WDTC1: variants seen among roughly 807,000 people sequenced by gnomAD.
The protein encoded by WDTC1 is WD and tetratricopeptide repeats 1, also known as WD and tetratricopeptide repeats protein 1.
A neutral mutation model predicts 76.0 loss-of-function variants in WDTC1; 12 were observed. The ratio of observed to expected loss-of-function variants is 0.16; its 90% CI spans 0.10 to 0.26. WDTC1 has a LOEUF of 0.26. Ranked by LOEUF, WDTC1 falls within the 10% of genes least tolerant of loss-of-function variation. The pLI is 1.00. For missense variants in WDTC1, 511 were observed against 908.8 expected, an observed-to-expected ratio of 0.56 and a Z score of 5.63; for synonymous variants, 326 against 350.8, an observed-to-expected ratio of 0.93 and a Z score of 0.79.
chr1:27,279,530 A>C (rs192001405), intron 3 of WDTC1, among the ~76,000 whole-genome samples: 118 of 152,160 alleles, frequency 7.8e-4, no homozygotes, highest in African/African-American at 2.8e-3. Flanking sequence ...TATAGTTCAC[A>C]TTGGGCTGTG....
intron 3 of WDTC1, among the ~76,000 whole-genome samples, chr1:27,265,866 G>A (rs1159657564): frequency 6.6e-6 from 1 of 152,072 alleles, no homozygotes; most frequent in Non-Finnish European, 1.5e-5. Flanking sequence ...AGAATCGCTT[G>A]AACCCCGGAG....
chr1:27,301,301 C>T lies in WDTC1; in HGVS notation c.1308C>T (p.His436=), dbSNP rs746664783. 6.2e-7 allele frequency: 1 copy of T among 1,614,236 alleles called. No individual in the cohort carries two copies. Among genetic ancestry groups the T allele is most frequent in the Admixed American group, 1.7e-5 (1 of 60,032 alleles). ...TAAACCCATGCCACCTGAAGGCACA[C>T]TTTCGCCTGGCCCGCTGCCTCTTTG... ...ISLNPCHLKA[H]FRLARCLFEL... is the part of the protein sequence containing the mutation. Residue 436 remains histidine (H), a synonymous_variant, in exon 13 of 16, where the codon CAC becomes CAT. Transcript: ENST00000319394. The surrounding 1 kb of genome is among the most constrained non-coding windows in gnomAD (Gnocchi z 5.8).
intron 3 of WDTC1, among the ~76,000 whole-genome samples, chr1:27,276,699 A>C (rs1258100124): frequency 2.0e-5 from 3 of 151,216 alleles, no homozygotes; most frequent in Admixed American, 6.6e-5. Context: ...TCTCGAAAAA[A>C]AAAAAGAAAA....
Position 27,249,626 on chromosome 1 carries a change from A to T in WDTC1, c.-99-11330A>T, listed in dbSNP as rs542939026. Among the ~76,000 whole-genome samples, 32 of 152,034 alleles carry T rather than the reference A, an allele frequency of 2.1e-4. 1 individual carries two copies. In the South Asian group the frequency reaches 6.7e-3, roughly 32 times the overall value. ...TTTGAGACTGAATCTCACTCTCACT[A>T]AGGCTGGAGTGGCATGATCATAGCT... On this transcript the variant is annotated intron_variant, in intron 1 of 15. Transcript: ENST00000319394.
rs546667020 is a variant in WDTC1 at position 27,275,923 on chromosome 1, A to G, written c.133-6316A>G. On this transcript the variant is annotated intron_variant, in intron 3 of 15. Transcript: ENST00000319394. ...CCTTCTCCCATACTGGCCCTACCCC[A>G]GAAACCACTAATCTATTTTCTGTTG... Among the ~76,000 whole-genome samples, 7 of 152,356 alleles carry G rather than the reference A, an allele frequency of 4.6e-5. No homozygotes were observed. The East Asian group carries it at 1.3e-3, about 29-fold the overall frequency.
Position 27,253,306 on chromosome 1 carries a change from C to T in WDTC1, c.-99-7650C>T, listed in dbSNP as rs143838191. Among the ~76,000 whole-genome samples, 598 of 150,798 alleles carry T rather than the reference C, an allele frequency of 4.0e-3. 7 individuals are homozygous for T. The highest frequency in any genetic ancestry group is 0.014 in the African/African-American group (560 of 40,502). ...CTGGGATTACAGGTGTGAGCCACTG[C>T]GCCCGGCCGGCCTCCTCTCTGTTTC... On this transcript the variant is annotated intron_variant, in intron 1 of 15. Transcript: ENST00000319394.
chr1:27,249,200 C>T (rs1028861093), intron 1 of WDTC1, among the ~76,000 whole-genome samples: 2 of 150,028 alleles, frequency 1.3e-5, no homozygotes, highest in Non-Finnish European at 2.9e-5. Flanking sequence ...ACCTGAGAGG[C>T]AGAGGCTGTA....
At chr1:27,248,534 T>A (rs1475460435) in intron 1 of WDTC1, among the ~76,000 whole-genome samples, 3 of 152,222 alleles carry the variant, frequency 2.0e-5, no homozygotes, top group African/African-American at 7.2e-5. Flanking sequence ...TCCTTATAGA[T>A]GCTGGATATT....
rs772028634 is a variant in WDTC1, at chr1:27,305,036, G to C, written c.1679G>C (p.Gly560Ala). Residue 560 changes from glycine to alanine, a missense_variant, in exon 15 of 16, where the codon GGC (glycine) becomes GCC (alanine). Coordinates refer to ENST00000319394, the MANE Select transcript of WDTC1 (RefSeq NM_001276252.2). The surrounding 1 kb of genome is among the most constrained non-coding windows in gnomAD (Gnocchi z 4.6). ...TATATCGTCAGTGGCTCTGACGATG[G>C]CTCCTTCTTCATCTGGGAAAAGGAG... ...AQYIVSGSDD[G>A]SFFIWEKETT... 4.3e-6 allele frequency: 7 copies of C among 1,613,848 alleles called. No homozygotes were observed. The highest frequency in any genetic ancestry group is 5.9e-6 in the Non-Finnish European group (7 of 1,179,936).
At chr1:27,263,559 G>A (rs1388648577) in intron 3 of WDTC1, among the ~76,000 whole-genome samples, 2 of 152,118 alleles carry the variant, frequency 1.3e-5, no homozygotes, top group Admixed American at 1.3e-4. Context: ...TCAGCCTCCC[G>A]AGTAGCTGGG....
chr1:27,244,156 A>T (rs1182210299), intron 1 of WDTC1, among the ~76,000 whole-genome samples: 2 of 151,938 alleles, frequency 1.3e-5, no homozygotes, highest in Admixed American at 6.6e-5. Context: ...AAAACAAATA[A>T]AAATTTTTTT....
At chr1:27,241,900 G>GTTT (rs549158445) in intron 1 of WDTC1, among the ~76,000 whole-genome samples, 114 of 139,628 alleles carry the variant, frequency 8.2e-4, no homozygotes, top group African/African-American at 2.9e-3. Flanking sequence ...GTTTTTTTTT[G>GTTT]TTTTTTTTTT....
intron 5 of WDTC1, among the ~76,000 whole-genome samples, chr1:27,287,146 GA>G (rs960926297): frequency 1.5e-4 from 22 of 151,076 alleles, no homozygotes; most frequent in African/African-American, 3.4e-4. Flanking sequence ...CTGGGTGACA[GA>G]GCGAGACGCT....
At chr1:27,254,589 T>G (rs2012210280) in intron 1 of WDTC1, among the ~76,000 whole-genome samples, 1 of 151,822 alleles carries the variant, frequency 6.6e-6, no homozygotes, top group South Asian at 2.1e-4. Context: ...AGTGAGACTC[T>G]GTCTCAAAAA....
chr1:27,281,153 G>A (rs1005394780), intron 3 of WDTC1, among the ~76,000 whole-genome samples: 1 of 152,004 alleles, frequency 6.6e-6, no homozygotes, highest in Non-Finnish European at 1.5e-5. Flanking sequence ...CATGCAGTAG[G>A]TGCTTGATGA....
At position 27,301,342 on chromosome 1, in the gene WDTC1, C is replaced by T; in HGVS notation, c.1349C>T (p.Ala450Val). Residue 450 changes from alanine (A) to valine (V), a missense_variant, in exon 13 of 16, where the codon GCT becomes GTT. Physicochemically the swap from Ala to Val is moderately conservative, Grantham distance 64. Coordinates refer to ENST00000319394, the MANE Select transcript of WDTC1 (RefSeq NM_001276252.2). This position sits in a 1 kb window ranked among gnomAD's most constrained non-coding sequence, Gnocchi z 5.8. Reference sequence around the variant, plus strand: ...TGCCTCTTTGAGCTCAAGTATGTGGCTGAAGCCCTGGAGTGCCTGGACGAC... The same window carrying T: ...TGCCTCTTTGAGCTCAAGTATGTGGTTGAAGCCCTGGAGTGCCTGGACGAC... ...ARCLFELKYV[A>V]EALECLDDFK... 6.2e-7 allele frequency: 1 copy of T among 1,614,198 alleles called. No individual in the cohort carries two copies. The highest frequency in any genetic ancestry group is 8.5e-7 in the Non-Finnish European group (1 of 1,180,038).
intron 12 of WDTC1, among the ~76,000 whole-genome samples, chr1:27,299,111 C>G (rs1023557598): frequency 6.6e-6 from 1 of 152,010 alleles, no homozygotes; most frequent in Non-Finnish European, 1.5e-5. Flanking sequence ...CTCAGTGGTC[C>G]TCATCCAGGC....
intron 5 of WDTC1, among the ~76,000 whole-genome samples, chr1:27,284,556 C>T (rs578219943): frequency 2.0e-5 from 3 of 152,228 alleles, no homozygotes; most frequent in African/African-American, 4.8e-5. Flanking sequence ...ATATGACTAA[C>T]GGAAACTGCT....
chr1:27,282,493 CTGTTTTGTTT>C (rs945330164), intron 4 of WDTC1, among the ~76,000 whole-genome samples: 9 of 152,026 alleles, frequency 5.9e-5, no homozygotes, highest in African/African-American at 7.2e-5. Flanking sequence ...CATCCAAACC[CTGTTTTGTTT>C]TGTTTTGTTT....
Sources: gnomAD v4.1 joint callset for allele counts (sites outside exome capture counted in the v4.1 genomes callset) on GRCh38, gnomAD v4.1.1 for gene constraint, Gnocchi (gnomAD v3.1) non-coding constraint, MANE v1.5 for transcripts, NCBI Gene and HGNC (gene_info 2026-07-23, HGNC 2026-07-21) for gene names.